Variants in SAMD5 observed in about 807,000 individuals in gnomAD.
SAMD5 encodes the protein sterile alpha motif domain-containing protein 5.
A neutral mutation model predicts 11.3 loss-of-function variants in SAMD5; 13 were observed. The observed-to-expected ratio is 1.15, with a 90% CI of 0.75 to 1.83. The LOEUF (loss-of-function observed/expected upper bound fraction) is 1.83, where lower values mean the gene tolerates loss of function less well. Among genes scored for constraint, SAMD5 ranks in the 40% most tolerant of loss-of-function variants. The probability of loss-of-function intolerance (pLI) is 0.00; values close to 1 mark genes in which losing one functional copy is unlikely to be tolerated. For synonymous variants in SAMD5, 129 were observed against 111.3 expected, an observed-to-expected ratio of 1.16 and a Z score of -1.00; for missense variants, 255 against 239.1, an observed-to-expected ratio of 1.07 and a Z score of -0.44.
At chr6:147,938,160 A>T in the SAMD5 span, among the ~76,000 whole-genome samples, 1 of 152,220 alleles carries the variant, frequency 6.6e-6, no homozygotes, top group South Asian at 2.1e-4. Context: ...AATGGGGAGA[A>T]GTGAGTCAGT....
chr6:147,813,102 T>C, the SAMD5 span, among the ~76,000 whole-genome samples: 1 of 152,206 alleles, frequency 6.6e-6, no homozygotes. Flanking sequence ...AAATATATTT[T>C]AAAATTGTCA....
chr6:147,555,515 C>T (rs1214033418), intron 1 of SAMD5, among the ~76,000 whole-genome samples: 2 of 152,172 alleles, frequency 1.3e-5, no homozygotes, highest in Non-Finnish European at 2.9e-5. Context: ...TAGTTTCATA[C>T]TGCCTAAATA....
chr6:147,916,098 C>G, the SAMD5 span, among the ~76,000 whole-genome samples: 1 of 152,132 alleles, frequency 6.6e-6, no homozygotes, highest in South Asian at 2.1e-4. Flanking sequence ...TTTTTTATGG[C>G]TGCATAGTAT....
the SAMD5 span, among the ~76,000 whole-genome samples, chr6:147,810,218 A>G: frequency 6.6e-6 from 1 of 152,214 alleles, no homozygotes; most frequent in Non-Finnish European, 1.5e-5. Context: ...TTGCATAGGT[A>G]TATTCCTGTG....
chr6:147,899,365 AG>A, the SAMD5 span, among the ~76,000 whole-genome samples: 1 of 152,098 alleles, frequency 6.6e-6, no homozygotes, highest in Non-Finnish European at 1.5e-5. Context: ...ATAATTGTCA[AG>A]GTCTCAAACT....
intron 1 of SAMD5, among the ~76,000 whole-genome samples, chr6:147,550,264 A>G (rs1375755165): frequency 1.5e-4 from 23 of 151,964 alleles, no homozygotes; most frequent in Admixed American, 1.5e-3. Flanking sequence ...GTCAAAAAAT[A>G]GCATGTTGAA....
chr6:147,768,484 T>C, the SAMD5 span, among the ~76,000 whole-genome samples: 2 of 151,608 alleles, frequency 1.3e-5, no homozygotes, highest in African/African-American at 4.9e-5. Context: ...GGTGACAGAG[T>C]GAGACTCCGT....
chr6:147,806,929 C>T, the SAMD5 span, among the ~76,000 whole-genome samples: 2 of 152,082 alleles, frequency 1.3e-5, no homozygotes, highest in Non-Finnish European at 2.9e-5. Flanking sequence ...TCTCTCTCTC[C>T]ACCATGAGAG....
intron 1 of SAMD5, among the ~76,000 whole-genome samples, chr6:147,691,129 G>A (rs571622320): frequency 1.3e-5 from 2 of 152,182 alleles, no homozygotes; most frequent in Admixed American, 6.5e-5. Context: ...TGAGTAGCTG[G>A]GATTACAGGC....
intron 1 of SAMD5, among the ~76,000 whole-genome samples, chr6:147,660,378 C>T (rs1380190487): frequency 6.6e-6 from 1 of 152,170 alleles, no homozygotes; most frequent in Admixed American, 6.5e-5. Flanking sequence ...AGAACCCCTT[C>T]CTTTCCTAGG....
At chr6:147,757,154 G>A in the SAMD5 span, among the ~76,000 whole-genome samples, 2 of 152,172 alleles carry the variant, frequency 1.3e-5, no homozygotes, top group African/African-American at 4.8e-5. Flanking sequence ...GTCTTCACAA[G>A]TTATTCAAGA....
At chr6:147,690,354 A>G (rs1195356514) in intron 1 of SAMD5, among the ~76,000 whole-genome samples, 4 of 152,228 alleles carry the variant, frequency 2.6e-5, no homozygotes, top group South Asian at 2.1e-4. Context: ...AAATTTTAAT[A>G]TATCTCTTTA....
the SAMD5 span, among the ~76,000 whole-genome samples, chr6:147,916,439 G>A: frequency 2.6e-5 from 4 of 152,112 alleles, no homozygotes; most frequent in Admixed American, 2.0e-4. Context: ...TTTAATGATC[G>A]CCATTCTAAC....
chr6:147,878,140 C>T, the SAMD5 span, among the ~76,000 whole-genome samples: 2 of 151,536 alleles, frequency 1.3e-5, no homozygotes, highest in African/African-American at 2.4e-5. Flanking sequence ...GCAACAATAC[C>T]ATAGTCTGGG....
chr6:147,612,018 A>G (rs1308661195), intron 1 of SAMD5, among the ~76,000 whole-genome samples: 5 of 152,140 alleles, frequency 3.3e-5, no homozygotes, highest in African/African-American at 4.8e-5. Flanking sequence ...CTGCTTTCCT[A>G]TATATGCCTT....
chr6:147,845,757 G>A, the SAMD5 span, among the ~76,000 whole-genome samples: 17,361 of 152,012 alleles, frequency 0.11, 1,228 homozygotes, highest in East Asian at 0.34. Flanking sequence ...AGGGGAAACC[G>A]GATTACTCAT....
At chr6:147,635,213 G>A (rs565951661) in intron 1 of SAMD5, among the ~76,000 whole-genome samples, 11 of 139,618 alleles carry the variant, frequency 7.9e-5, no homozygotes, top group East Asian at 6.4e-4. Context: ...CCTCATCGCC[G>A]TCATCACTGT....
At chr6:147,871,418 G>C in the SAMD5 span, among the ~76,000 whole-genome samples, 2 of 151,996 alleles carry the variant, frequency 1.3e-5, no homozygotes, top group East Asian at 1.9e-4. Flanking sequence ...ACTGTTTAAG[G>C]CTCATTTTCC....
the SAMD5 span, among the ~76,000 whole-genome samples, chr6:147,771,324 C>T: frequency 4.6e-5 from 7 of 152,164 alleles, no homozygotes; most frequent in African/African-American, 1.4e-4. Flanking sequence ...CACATCCCTA[C>T]TGACTGCTAA....
Sources: allele counts gnomAD v4.1 joint callset (sites outside exome capture counted in the v4.1 genomes callset), GRCh38; gene constraint gnomAD v4.1.1; transcripts MANE v1.5; gene names NCBI Gene and HGNC (gene_info 2026-07-23, HGNC 2026-07-21).